Variants in FAT2 observed in about 807,000 individuals in gnomAD.
FAT2 encodes the protein protocadherin Fat 2.
FAT2 carries 150 observed loss-of-function variants against 295.3 expected under a neutral mutation model. That is an observed-to-expected ratio of 0.51 (90% confidence interval 0.44 to 0.58). The LOEUF is 0.58. FAT2 is among the 20% of genes least tolerant of loss of function. The probability of loss-of-function intolerance (pLI) is 0.00; values close to 1 mark genes in which losing one functional copy is unlikely to be tolerated. For missense variants in FAT2, 4,868 were observed against 5,442.7 expected, an observed-to-expected ratio of 0.89 and a Z score of 3.32; for synonymous variants, 2,026 against 2,150.3, an observed-to-expected ratio of 0.94 and a Z score of 1.60.
At position 151,512,997 on chromosome 5, in the gene FAT2, A is replaced by T. The variant is rs1157678350; in HGVS notation, c.11464-391T>A. Among the ~76,000 whole-genome samples, 4 of 152,198 alleles carry T rather than the reference A, an allele frequency of 2.6e-5. No homozygotes were observed. On this transcript the variant is annotated intron_variant, in intron 20 of 23. Transcript: ENST00000261800. This position sits in a 1 kb window ranked among gnomAD's most constrained non-coding sequence, Gnocchi z 4.1. Reference sequence around the variant, plus strand: ...TCTCCCACTCCCACTTCCTTATTCAACAGCTTAGCAGTTCTCAAAGTAGGT... The same window carrying T: ...TCTCCCACTCCCACTTCCTTATTCATCAGCTTAGCAGTTCTCAAAGTAGGT...
In FAT2 at chr5:151,545,937, G is replaced by T. The variant is rs1756587906; in HGVS notation, c.5190C>A (p.Ile1730=). ...ATGCACCTGCCATATTGCTGCCTCG[G>T]ATTTTCAGCTGGTAAGACGAGATTT... is the stretch of plus-strand genomic sequence containing the variant. ...HEKISSYQLK[I]RGSNMAGAFT... is the part of the protein sequence containing the mutation. Residue 1730 remains isoleucine, a synonymous_variant, in exon 10 of 24, where the codon ATC becomes ATA. Coordinates refer to ENST00000261800, the MANE Select transcript of FAT2 (RefSeq NM_001447.3). 1.2e-6 allele frequency: 2 copies of T among 1,613,988 alleles called. No homozygotes were observed.
chr5:151,534,798 C>T (rs977911619), intron 12 of FAT2, among the ~76,000 whole-genome samples, 156 bp from the exon 13 acceptor site: 52 of 151,754 alleles, frequency 3.4e-4, no homozygotes, highest in African/African-American at 1.2e-3. Context: ...AAGCCTGTAT[C>T]CCCCCATACC....
intron 2 of FAT2, 91 bp from the exon 3 acceptor site, chr5:151,563,730 G>T: frequency 1.0e-6 from 1 of 975,996 alleles, no homozygotes; most frequent in Non-Finnish European, 1.6e-6. Context: ...AAACCGCACT[G>T]TGGAAAGGGT....
chr5:151,510,324 T>A, intron 21 of FAT2, 150 bp from the exon 22 acceptor site: 1 of 855,560 alleles, frequency 1.2e-6, no homozygotes, highest in Non-Finnish European at 1.8e-6. Context: ...TGCTGGGCAT[T>A]GGTGCCCTGC....
intron 3 of FAT2, among the ~76,000 whole-genome samples, chr5:151,561,189 G>A (rs60163825): frequency 0.045 from 6,833 of 152,250 alleles, 366 homozygotes; most frequent in African/African-American, 0.13. Context: ...AGCGGGAATT[G>A]ACCAGACAAA....
intron 5 of FAT2, among the ~76,000 whole-genome samples, chr5:151,553,813 A>G (rs1037394276): frequency 6.6e-6 from 1 of 152,192 alleles, no homozygotes; most frequent in African/African-American, 2.4e-5. Context: ...TCCTCACAAT[A>G]ACCTTGGAAG....
At chr5:151,518,058 A>T (rs975389436) in intron 19 of FAT2, among the ~76,000 whole-genome samples, 1 of 152,170 alleles carries the variant, frequency 6.6e-6, no homozygotes, top group Non-Finnish European at 1.5e-5. Context: ...CATCCAGGTG[A>T]GGTGGCTCAT....
At chr5:151,506,192 AG>A (rs1246073621) in intron 23 of FAT2, 95 bp from the exon 24 acceptor site, 2 of 1,349,786 alleles carry the variant, frequency 1.5e-6, no homozygotes, top group Non-Finnish European at 2.0e-6. Flanking sequence ...CGAGTGGTGG[AG>A]ATGGGAGTGG....
In FAT2 at chr5:151,513,557, C is replaced by T. The variant is rs556817357; in HGVS notation, c.11464-951G>A. ...GAACTAAATGCTGAGTACACAGGGA[C>T]GCAAAGAAGGGAACAATAGACATCA... On this transcript the variant is annotated intron_variant, in intron 20 of 23. Coordinates refer to ENST00000261800, the MANE Select transcript of FAT2 (RefSeq NM_001447.3). Among the ~76,000 whole-genome samples the T allele has an allele frequency of 5.9e-5, 9 of 152,136 alleles. No homozygotes were observed. In the South Asian group the frequency reaches 1.2e-3, roughly 21 times the overall value.
rs531409374 is a variant in FAT2 at position 151,505,343 on chromosome 5, C to T, written c.*222G>A. 3 of 602,306 alleles carry T rather than the reference C, an allele frequency of 5.0e-6. No individual in the cohort carries two copies. The African/African-American group carries it at 5.6e-5, about 11-fold the overall frequency. 37.3% of individuals were successfully genotyped at this position (602,306 alleles called of 1,614,324 possible). A position where few individuals can be genotyped will look rare whatever the true frequency, so the allele number is the denominator to read the frequency against. ...GTCACTGCTCTAGAAATGCCCCTCT[C>T]CTGGGACCCTAGTGCTGTTTCTGGA... On this transcript the variant is annotated 3_prime_UTR_variant, in exon 24 of 24. Coordinates refer to ENST00000261800, the MANE Select transcript of FAT2 (RefSeq NM_001447.3).
rs1755653818 is a variant in FAT2, at chr5:151,538,041, AAGAG to A, written c.9040-99_9040-96del. On this transcript the variant is annotated intron_variant, in intron 11 of 23. Transcript: ENST00000261800. ...ACTGACTGAGGGAGGCAGAAGCAGA[AAGAG>A]AGACACTAAGAGGGCAGAGACGAAG... is the stretch of plus-strand genomic sequence containing the variant. 1.5e-5 allele frequency: 17 copies of A among 1,106,330 alleles called. No homozygotes were observed. The East Asian group carries it at 3.9e-4, about 25-fold the overall frequency. 68.5% of individuals were successfully genotyped at this position (1,106,330 alleles called of 1,614,324 possible).
chr5:151,510,680 A>G (rs11740322), intron 21 of FAT2: 110,475 of 151,908 alleles, frequency 0.73, 40,480 homozygotes, highest in East Asian at 0.96. Context: ...AATAAAATTA[A>G]TTTTATTGAA....
intron 1 of FAT2, among the ~76,000 whole-genome samples, chr5:151,584,323 C>T (rs1759085812): frequency 6.6e-6 from 1 of 152,180 alleles, no homozygotes; most frequent in Non-Finnish European, 1.5e-5. Flanking sequence ...CCACTTTCCA[C>T]AGGGTTCCCA....
At position 151,544,282 on chromosome 5, in the gene FAT2, G is replaced by A. The variant is rs1756420967; in HGVS notation, c.6845C>T (p.Ser2282Leu). 1.9e-6 allele frequency: 3 copies of A among 1,614,230 alleles called. No individual in the cohort carries two copies. The East Asian group carries it at 6.7e-5, about 36-fold the overall frequency. The change falls in exon 10 of 24, where the codon TCA (serine) becomes TTA (leucine). Residue 2282 changes from serine to leucine, a missense_variant. Coordinates refer to ENST00000261800, the MANE Select transcript of FAT2 (RefSeq NM_001447.3). Reference protein sequence around the residue: ...FSQLVYTTSISEGLPAQTPVI... With the variant: ...FSQLVYTTSILEGLPAQTPVI... ...AGGGGTCTGAGCAGGCAAGCCTTCT[G>A]AGATGGAAGTGGTATAGACCAATTG...
upstream of FAT2, among the ~76,000 whole-genome samples, chr5:151,591,603 G>A (rs993724768): frequency 5.9e-5 from 9 of 151,490 alleles, no homozygotes; most frequent in African/African-American, 1.9e-4. Flanking sequence ...GAGACCACAA[G>A]GGAACTAGAA....
At chr5:151,555,496 G>A (rs527429354) in intron 4 of FAT2, among the ~76,000 whole-genome samples, 5 of 147,878 alleles carry the variant, frequency 3.4e-5, no homozygotes, top group East Asian at 2.0e-4. Context: ...CAGCCTCCCC[G>A]GTAGCTGGGA....
intron 2 of FAT2, among the ~76,000 whole-genome samples, chr5:151,565,055 A>G (rs1432729017): frequency 1.3e-5 from 2 of 152,184 alleles, no homozygotes; most frequent in African/African-American, 4.8e-5. Context: ...AGCCTGGGTG[A>G]CAGAGCAAGA....
At chr5:151,551,845 A>C (rs957040560) in intron 6 of FAT2, among the ~76,000 whole-genome samples, 2 of 152,214 alleles carry the variant, frequency 1.3e-5, no homozygotes, top group African/African-American at 2.4e-5. Context: ...TTAATAAACT[A>C]TAAGAATCCA....
intron 1 of FAT2, among the ~76,000 whole-genome samples, chr5:151,570,668 C>T (rs1758486807): frequency 6.6e-6 from 1 of 152,184 alleles, no homozygotes; most frequent in Non-Finnish European, 1.5e-5. Context: ...CCTGGCTTGC[C>T]CCTGGGAGCC....
Sources: allele counts gnomAD v4.1 joint callset (sites outside exome capture counted in the v4.1 genomes callset), GRCh38; gene constraint gnomAD v4.1.1; non-coding constraint Gnocchi (gnomAD v3.1); transcripts MANE v1.5; gene names NCBI Gene and HGNC (gene_info 2026-07-23, HGNC 2026-07-21).